Variants in TAB2 observed in about 807,000 individuals in gnomAD.
The protein encoded by TAB2 is TGF-beta-activated kinase 1 and MAP3K7-binding protein 2.
Under a neutral mutation model 65.0 loss-of-function variants are expected in TAB2, and 3 were observed. The observed-to-expected ratio is 0.05, with a 90% confidence interval of 0.02 to 0.12. The LOEUF is 0.12. TAB2 is among the 10% of genes least tolerant of loss of function. The pLI, the probability that TAB2 is intolerant of heterozygous loss-of-function variation, is 1.00. For missense variants in TAB2, 623 were observed against 840.3 expected (o/e 0.74, Z 3.20); for synonymous variants, 298 against 285.1 (o/e 1.05, Z -0.46).
intron 6 of TAB2, among the ~76,000 whole-genome samples, chr6:149,405,304 T>C (rs763207934): frequency 6.6e-6 from 1 of 152,224 alleles, no homozygotes; most frequent in African/African-American, 2.4e-5. Flanking sequence ...AGAACGCTTG[T>C]ACACTTTCAT....
At chr6:149,369,318 A>G (rs1031322539) in intron 1 of TAB2, among the ~76,000 whole-genome samples, 1 of 152,194 alleles carries the variant, frequency 6.6e-6, no homozygotes, top group South Asian at 2.1e-4. Context: ...TCCTCAGCCA[A>G]TTAAATCAAA....
At chr6:149,324,634 A>G (rs933082249) in intron 1 of TAB2, among the ~76,000 whole-genome samples, 1 of 152,070 alleles carries the variant, frequency 6.6e-6, no homozygotes, top group African/African-American at 2.4e-5. Flanking sequence ...TCCATTCCTC[A>G]TCAATGAGAG....
Position 149,397,645 on chromosome 6 carries a change from A to G in TAB2, c.1645A>G (p.Arg549Gly). ...GAAGGCCAGAATGGAACGACTTCAA[A>G]GAGAACTTGAGATTCAAAAGAAAAA... is the stretch of plus-strand genomic sequence containing the variant. ...HQKARMERLQ[R>G]ELEIQKKKLD... is the part of the protein sequence containing the mutation. The change falls in exon 4 of 7, where the codon AGA becomes GGA. Residue 549 changes from arginine to glycine, a missense_variant. Coordinates refer to ENST00000637181, the MANE Select transcript of TAB2 (RefSeq NM_001292034.3). 6.2e-7 allele frequency: 1 copy of G among 1,614,126 alleles called. No individual in the cohort carries two copies. The highest frequency in any genetic ancestry group is 1.1e-5 in the South Asian group (1 of 91,084).
intron 1 of TAB2, among the ~76,000 whole-genome samples, chr6:149,224,485 G>C (rs987101929): frequency 6.6e-6 from 1 of 152,186 alleles, no homozygotes; most frequent in African/African-American, 2.4e-5. Flanking sequence ...AGGCTCCTGG[G>C]CTGAACTCTG....
intron 1 of TAB2, among the ~76,000 whole-genome samples, chr6:149,325,074 C>T (rs148489349): frequency 1.1e-4 from 16 of 152,194 alleles, no homozygotes; most frequent in African/African-American, 3.6e-4. Context: ...TTCTCAGCCC[C>T]CACCTCTTTA....
At chr6:149,349,847 C>T (rs1263750917) in intron 1 of TAB2, among the ~76,000 whole-genome samples, 3 of 152,146 alleles carry the variant, frequency 2.0e-5, no homozygotes, top group Non-Finnish European at 4.4e-5. Context: ...ATTTACTGAG[C>T]ATCCACTTGA....
chr6:149,409,486 G>C, intron 6 of TAB2, 91 bp from the exon 7 acceptor site: 1 of 1,167,438 alleles, frequency 8.6e-7, no homozygotes, highest in Non-Finnish European at 1.3e-6. Context: ...GCTGCATCAG[G>C]CTGTGCACTA....
At chr6:149,276,873 A>G (rs1778483795) in intron 1 of TAB2, among the ~76,000 whole-genome samples, 1 of 152,212 alleles carries the variant, frequency 6.6e-6, no homozygotes, top group South Asian at 2.1e-4. Flanking sequence ...CCCAAATATC[A>G]TCTTGATTTG....
chr6:149,397,942 TCTTA>T (rs1782231388), intron 4 of TAB2, 23 bp from the exon 5 acceptor site: 5 of 1,606,674 alleles, frequency 3.1e-6, no homozygotes, highest in Non-Finnish European at 4.3e-6. Flanking sequence ...TCAGTGCAAA[TCTTA>T]CTTACATAGA....
At chr6:149,355,518 T>G (rs1780626417) in intron 1 of TAB2, among the ~76,000 whole-genome samples, 1 of 151,860 alleles carries the variant, frequency 6.6e-6, no homozygotes, top group African/African-American at 2.4e-5. Context: ...AATGCAAAAA[T>G]TAGCCGGGCG....
chr6:149,258,034 T>C (rs549279987), intron 1 of TAB2, among the ~76,000 whole-genome samples: 5 of 151,992 alleles, frequency 3.3e-5, no homozygotes, highest in African/African-American at 4.8e-5. Context: ...ACTAGGGAAG[T>C]TGAGATAGCA....
At chr6:149,399,822 A>G (rs34097428) in intron 6 of TAB2, among the ~76,000 whole-genome samples, 35,909 of 152,182 alleles carry the variant, frequency 0.24, 4,428 homozygotes, top group Non-Finnish European at 0.26. Context: ...TTCAACTCTA[A>G]TAAGAAAGTT....
intron 1 of TAB2, among the ~76,000 whole-genome samples, chr6:149,329,462 T>C (rs1179493744): frequency 1.3e-5 from 2 of 151,904 alleles, no homozygotes; most frequent in Admixed American, 1.3e-4. Flanking sequence ...GACATTTGAG[T>C]TCTGTTTGTT....
chr6:149,317,280 C>T (rs536322220), upstream of TAB2, among the ~76,000 whole-genome samples: 68 of 152,192 alleles, frequency 4.5e-4, no homozygotes, highest in African/African-American at 1.3e-3. The surrounding 1 kb of genome is among the most constrained non-coding windows in gnomAD (Gnocchi z 4.7). Context: ...CCCGGGCTGC[C>T]CGCACCGGCA....
At chr6:149,332,798 G>A (rs1473512244) in intron 1 of TAB2, among the ~76,000 whole-genome samples, 1 of 152,190 alleles carries the variant, frequency 6.6e-6, no homozygotes, top group Non-Finnish European at 1.5e-5. Flanking sequence ...AGTAAAGGGA[G>A]CAGGTCAGTC....
chr6:149,341,247 A>G (rs745466483), intron 1 of TAB2, among the ~76,000 whole-genome samples: 1 of 152,154 alleles, frequency 6.6e-6, no homozygotes, highest in Non-Finnish European at 1.5e-5. Flanking sequence ...ATTTTTATTT[A>G]TCATCAGCTC....
chr6:149,375,985 T>C (rs1489851592), intron 2 of TAB2, among the ~76,000 whole-genome samples: 1 of 152,112 alleles, frequency 6.6e-6, no homozygotes, highest in East Asian at 1.9e-4. Context: ...TTAGTCCACT[T>C]CTTTCTTAAT....
chr6:149,341,948 G>T (rs1186745628), intron 1 of TAB2, among the ~76,000 whole-genome samples: 1 of 151,796 alleles, frequency 6.6e-6, no homozygotes, highest in Non-Finnish European at 1.5e-5. Flanking sequence ...AATCAAAATA[G>T]TACAACATTC....
intron 1 of TAB2, among the ~76,000 whole-genome samples, chr6:149,363,229 G>C (rs1402085417): frequency 1.3e-5 from 2 of 152,046 alleles, no homozygotes; most frequent in Non-Finnish European, 2.9e-5. Flanking sequence ...TATATATGGG[G>C]TAGGCACTGA....
Sources: gnomAD v4.1 joint callset for allele counts (sites outside exome capture counted in the v4.1 genomes callset) on GRCh38, gnomAD v4.1.1 for gene constraint, Gnocchi (gnomAD v3.1) non-coding constraint, MANE v1.5 for transcripts, NCBI Gene and HGNC (gene_info 2026-07-23, HGNC 2026-07-21) for gene names.